CDC14A: variants seen among roughly 807,000 people sequenced by gnomAD.
CDC14A encodes the protein dual specificity protein phosphatase CDC14A.
In CDC14A, 53 loss-of-function variants were observed where a neutral mutation model predicts 74.4. The ratio of observed to expected loss-of-function variants is 0.71; its 90% confidence interval spans 0.57 to 0.89. The LOEUF is 0.89. Among genes scored for constraint, CDC14A ranks in the 40% least tolerant of loss-of-function variants. CDC14A has a pLI of 0.00. For synonymous variants in CDC14A, 247 were observed against 258.4 expected (o/e 0.96, Z 0.43); for missense variants, 646 against 713.7 (o/e 0.91, Z 1.08).
intron 5 of CDC14A, among the ~76,000 whole-genome samples, chr1:100,429,046 CA>C (rs201335411): frequency 1.3e-5 from 2 of 150,762 alleles, no homozygotes; most frequent in Non-Finnish European, 3.0e-5. Flanking sequence ...ACTAAAAATA[CA>C]AAAAAAAGTA....
chr1:100,409,536 TACA>T (rs1660391495), intron 4 of CDC14A, among the ~76,000 whole-genome samples: 1 of 152,202 alleles, frequency 6.6e-6, no homozygotes, highest in African/African-American at 2.4e-5. Flanking sequence ...ACTTCCTAGA[TACA>T]ATGGGGGTAC....
intron 4 of CDC14A, chr1:100,393,197 C>T: frequency 6.3e-7 from 1 of 1,594,174 alleles, no homozygotes; most frequent in South Asian, 1.1e-5. Flanking sequence ...CTGTGAGTTG[C>T]ATGTTCTTTC....
intron 15 of CDC14A, among the ~76,000 whole-genome samples, chr1:100,515,386 CTT>C (rs368562046): frequency 2.1e-4 from 29 of 140,106 alleles, no homozygotes; most frequent in Non-Finnish European, 1.7e-4. Context: ...TTCTTTCTTT[CTT>C]TTTTTTTTTT....
At chr1:100,406,022 G>A (rs902811626) in intron 4 of CDC14A, among the ~76,000 whole-genome samples, 8 of 151,994 alleles carry the variant, frequency 5.3e-5, no homozygotes, top group East Asian at 1.9e-4. Flanking sequence ...ATTTTTCTCC[G>A]CAGTCTCACC....
chr1:100,444,073 T>C (rs939820037), intron 7 of CDC14A, among the ~76,000 whole-genome samples: 1 of 152,198 alleles, frequency 6.6e-6, no homozygotes, highest in Non-Finnish European at 1.5e-5. Flanking sequence ...AAGAAACTGA[T>C]CATCTTTTAC....
rs1323492847 is a variant in CDC14A, at chr1:100,519,605, T to C, written c.*1325T>C. 3 of 152,582 alleles carry C rather than the reference T, an allele frequency of 2.0e-5. No individual in the cohort carries two copies. Among genetic ancestry groups the C allele is most frequent in the African/African-American group, 7.2e-5 (3 of 41,448 alleles). The allele number at this position is 152,582 out of a possible 1,614,324, so 9.5% of individuals were successfully genotyped here. The stretch of plus-strand genomic sequence containing the variant: ...TTAGGGGAGGGTACCTTGAGTCTAT[T>C]ATATATGCTTCATCAAAACATCTTG... On this transcript the variant is annotated 3_prime_UTR_variant, in exon 16 of 16. Transcript: ENST00000336454.
At chr1:100,514,138 A>G (rs1344208100) in intron 15 of CDC14A, among the ~76,000 whole-genome samples, 1 of 150,694 alleles carries the variant, frequency 6.6e-6, no homozygotes, top group Non-Finnish European at 1.5e-5. Flanking sequence ...GCTAACTTCT[A>G]AAATAATATT....
In CDC14A at chr1:100,393,148, A is replaced by T. The variant is rs984330786; in HGVS notation, c.309+2324A>T. On this transcript the variant is annotated intron_variant, in intron 4 of 15. Transcript: ENST00000336454. Reference sequence around the variant, plus strand: ...TTCAGTCTCATAATTCTTACTACAGATATCCAATTTGACTCCATTTCTCTC... The same window carrying T: ...TTCAGTCTCATAATTCTTACTACAGTTATCCAATTTGACTCCATTTCTCTC... The T allele has an allele frequency of 2.0e-6, 3 of 1,522,658 alleles. No homozygotes were observed. In the African/African-American group the frequency reaches 4.1e-5, roughly 21 times the overall value. 94.3% of individuals were successfully genotyped at this position (1,522,658 alleles called of 1,614,324 possible).
At chr1:100,460,117 G>A (rs60417820) in intron 8 of CDC14A, among the ~76,000 whole-genome samples, 2,089 of 152,238 alleles carry the variant, frequency 0.014, 53 homozygotes, top group African/African-American at 0.048. Context: ...AGTAATTGTA[G>A]GTTTTAATGA....
chr1:100,399,099 G>A (rs1172155678), intron 4 of CDC14A, among the ~76,000 whole-genome samples: 2 of 152,086 alleles, frequency 1.3e-5, no homozygotes, highest in Non-Finnish European at 2.9e-5. Context: ...TTTAAAAAGT[G>A]GAGTAACCAC....
At chr1:100,496,238 T>G (rs1647778942) in intron 13 of CDC14A, among the ~76,000 whole-genome samples, 189 bp downstream of exon 13, 1 of 112,552 alleles carries the variant, frequency 8.9e-6, no homozygotes, top group Non-Finnish European at 2.0e-5. Context: ...TTTTTTTTTT[T>G]GCTGGCATGC....
chr1:100,498,268 G>A (rs938615079), intron 14 of CDC14A, 61 bp downstream of exon 14: 10 of 1,574,010 alleles, frequency 6.4e-6, no homozygotes, highest in Admixed American at 1.8e-5. Context: ...TGCAGCAGGC[G>A]ATGAGTTTAG....
chr1:100,385,591 G>A (rs927717157), intron 3 of CDC14A, among the ~76,000 whole-genome samples: 1 of 152,260 alleles, frequency 6.6e-6, no homozygotes, highest in East Asian at 1.9e-4. Context: ...AAATTATCAG[G>A]CTCTGTGAGA....
At chr1:100,412,342 T>A (rs542105394) in intron 4 of CDC14A, among the ~76,000 whole-genome samples, 250 of 152,166 alleles carry the variant, frequency 1.6e-3, no homozygotes, top group Non-Finnish European at 2.6e-3. Context: ...TCTGAAATGA[T>A]ATACAAGGGA....
chr1:100,425,043 T>C (rs1282404198), intron 5 of CDC14A, among the ~76,000 whole-genome samples: 2 of 152,032 alleles, frequency 1.3e-5, no homozygotes, highest in East Asian at 3.9e-4. Context: ...TGGTATGTGC[T>C]TGTAGTCCCA....
In CDC14A at chr1:100,494,879, G is replaced by C. The variant is rs199589895; in HGVS notation, c.1199G>C (p.Arg400Pro). ...KNGITQGDKL[R>P]ALKSQRQPRT... ...GGTATAACCCAGGGAGACAAACTACGTGCCTTAAAAAGTCAGAGACAGCCA... is the reference window on the plus strand; with the variant it reads ...GGTATAACCCAGGGAGACAAACTACCTGCCTTAAAAAGTCAGAGACAGCCA... Residue 400 changes from arginine (R) to proline (P), a missense_variant, in exon 12 of 16, where the codon CGT (arginine) becomes CCT (proline). Coordinates refer to ENST00000336454, the MANE Select transcript of CDC14A (RefSeq NM_003672.4). 2.5e-6 allele frequency: 4 copies of C among 1,613,456 alleles called. No homozygotes were observed. The highest frequency in any genetic ancestry group is 3.4e-6 in the Non-Finnish European group (4 of 1,179,570).
intron 4 of CDC14A, among the ~76,000 whole-genome samples, chr1:100,420,029 T>TAC (rs1322632330): frequency 1.7e-4 from 3 of 17,700 alleles, no homozygotes; most frequent in South Asian, 1.6e-3. Flanking sequence ...TATATACATA[T>TAC]ATACACACAC....
At position 100,436,087 on chromosome 1, in the gene CDC14A, C is replaced by T. The variant is rs138426775; in HGVS notation, c.390-3845C>T. Among the ~76,000 whole-genome samples the T allele has an allele frequency of 1.1e-4, 17 of 152,226 alleles. No homozygotes were observed. In the East Asian group the frequency reaches 3.1e-3, roughly 28 times the overall value. On this transcript the variant is annotated intron_variant, in intron 5 of 15. Transcript: ENST00000336454. ...GGAGGGGACTTTTGGGTTCAGTAGT[C>T]TGCTGTTTTCCTAACTCCTGACCTC...
At chr1:100,453,511 A>C (rs1290269197) in intron 7 of CDC14A, among the ~76,000 whole-genome samples, 4 of 152,258 alleles carry the variant, frequency 2.6e-5, no homozygotes, top group Admixed American at 2.6e-4. Flanking sequence ...TTAAACAAGC[A>C]AATTTTAATT....
Sources: allele counts gnomAD v4.1 joint callset (sites outside exome capture counted in the v4.1 genomes callset), GRCh38; gene constraint gnomAD v4.1.1; transcripts MANE v1.5; gene names NCBI Gene and HGNC (gene_info 2026-07-23, HGNC 2026-07-21).